PTPRD: variants seen among roughly 807,000 people sequenced by gnomAD.
PTPRD encodes the protein receptor-type tyrosine-protein phosphatase delta.
A neutral mutation model predicts 214.5 loss-of-function variants in PTPRD; 34 were observed. That is an observed-to-expected ratio of 0.16 (90% CI 0.12 to 0.21). The LOEUF (loss-of-function observed/expected upper bound fraction) is 0.21. Among genes scored for constraint, PTPRD ranks in the 10% least tolerant of loss-of-function variants. The pLI is 1.00. For missense variants in PTPRD, 2,545 were observed against 2,398.7 expected (o/e 1.06, Z -1.27); for synonymous variants, 1,128 against 845.7 (o/e 1.33, Z -5.79).
At chr9:9,432,992 G>A (rs1402095502) in intron 8 of PTPRD, among the ~76,000 whole-genome samples, 1 of 152,110 alleles carries the variant, frequency 6.6e-6, no homozygotes, top group African/African-American at 2.4e-5. Context: ...CACTGTGGTA[G>A]AATCAGAGGG....
At chr9:9,419,703 A>G (rs1227857021) in intron 8 of PTPRD, among the ~76,000 whole-genome samples, 1 of 151,792 alleles carries the variant, frequency 6.6e-6, no homozygotes, top group Non-Finnish European at 1.5e-5. Flanking sequence ...CTGGACCTAC[A>G]TTAACACAGA....
At chr9:9,076,133 G>C (rs1392251702) in intron 10 of PTPRD, among the ~76,000 whole-genome samples, 2 of 152,112 alleles carry the variant, frequency 1.3e-5, no homozygotes, top group African/African-American at 4.8e-5. Flanking sequence ...TCTCACTGTG[G>C]TCTTGATTTG....
At chr9:10,415,740 T>A (rs2098481091) in intron 2 of PTPRD, among the ~76,000 whole-genome samples, 1 of 151,842 alleles carries the variant, frequency 6.6e-6, no homozygotes, top group East Asian at 2.0e-4. Context: ...CCCAATTCTT[T>A]GTTGTGAAAG....
chr9:8,820,466 T>G (rs1342336753), intron 11 of PTPRD, among the ~76,000 whole-genome samples: 1 of 152,160 alleles, frequency 6.6e-6, no homozygotes, highest in Non-Finnish European at 1.5e-5. Context: ...TCATATTCAT[T>G]AGTTAATTAT....
At chr9:9,742,875 T>C (rs1004757026) in intron 6 of PTPRD, among the ~76,000 whole-genome samples, 1 of 152,186 alleles carries the variant, frequency 6.6e-6, no homozygotes, top group East Asian at 1.9e-4. Flanking sequence ...TTTGCTTTTT[T>C]ATTGTTGTTA....
chr9:9,599,193 T>C (rs10977859), intron 7 of PTPRD, among the ~76,000 whole-genome samples: 13,355 of 152,084 alleles, frequency 0.088, 671 homozygotes, highest in Middle Eastern at 0.18. Flanking sequence ...CTTTACATGC[T>C]AGGCACAATG....
chr9:9,778,159 G>C (rs2098813462), intron 5 of PTPRD, among the ~76,000 whole-genome samples: 1 of 152,176 alleles, frequency 6.6e-6, no homozygotes, highest in African/African-American at 2.4e-5. Context: ...TGGATGGAGA[G>C]GTGACATTGA....
chr9:10,274,119 G>C (rs2094556423), intron 3 of PTPRD, among the ~76,000 whole-genome samples: 1 of 152,058 alleles, frequency 6.6e-6, no homozygotes. Flanking sequence ...AACCTCCAAA[G>C]TTCTGTCCAA....
At chr9:9,000,936 A>C (rs2154354915) in intron 11 of PTPRD, among the ~76,000 whole-genome samples, 1 of 152,056 alleles carries the variant, frequency 6.6e-6, no homozygotes, top group South Asian at 2.1e-4. Context: ...ATTGCACCTG[A>C]GTCATACCTT....
intron 11 of PTPRD, among the ~76,000 whole-genome samples, chr9:8,746,721 C>T (rs1042336078): frequency 6.6e-6 from 1 of 152,134 alleles, no homozygotes; most frequent in African/African-American, 2.4e-5. Flanking sequence ...GGGTCAGGCA[C>T]GATGCCTCAT....
chr9:9,220,925 G>C (rs570097403), intron 9 of PTPRD, among the ~76,000 whole-genome samples: 1 of 152,070 alleles, frequency 6.6e-6, no homozygotes, highest in Non-Finnish European at 1.5e-5. Context: ...TGGTGTATGA[G>C]TAGGAAAGTA....
chr9:9,503,881 A>G (rs2096499393), intron 8 of PTPRD, among the ~76,000 whole-genome samples: 1 of 151,814 alleles, frequency 6.6e-6, no homozygotes, highest in African/African-American at 2.4e-5. Flanking sequence ...ATAAAAAAAA[A>G]TACTTCTGAG....
chr9:9,596,101 C>A (rs1323379566), intron 7 of PTPRD, among the ~76,000 whole-genome samples: 1 of 151,760 alleles, frequency 6.6e-6, no homozygotes, highest in Non-Finnish European at 1.5e-5. Context: ...ACCATAGTAC[C>A]CATATGTGTG....
intron 12 of PTPRD, among the ~76,000 whole-genome samples, chr9:8,730,631 G>C (rs1325599940): frequency 1.3e-5 from 2 of 152,146 alleles, no homozygotes; most frequent in East Asian, 1.9e-4. Context: ...TTAAAGACTG[G>C]TAAATAGCAA....
intron 4 of PTPRD, among the ~76,000 whole-genome samples, chr9:9,953,459 TA>T (rs1228085719): frequency 4.0e-5 from 6 of 149,440 alleles, no homozygotes; most frequent in African/African-American, 7.4e-5. Context: ...GCTACTGAAA[TA>T]AAAAAAATTA....
intron 8 of PTPRD, among the ~76,000 whole-genome samples, chr9:9,547,117 T>C (rs2078986251): frequency 6.6e-6 from 1 of 151,962 alleles, no homozygotes; most frequent in Non-Finnish European, 1.5e-5. Context: ...ATTGCACAAA[T>C]GCCATACCAA....
chr9:8,898,699 GA>G (rs2098640589), intron 11 of PTPRD, among the ~76,000 whole-genome samples: 1 of 151,990 alleles, frequency 6.6e-6, no homozygotes, highest in South Asian at 2.1e-4. Context: ...CAAACCTCAG[GA>G]AACAGCTTAA....
chr9:9,612,575 C>T (rs988824038), intron 7 of PTPRD, among the ~76,000 whole-genome samples: 1 of 151,988 alleles, frequency 6.6e-6, no homozygotes, highest in Non-Finnish European at 1.5e-5. Context: ...TCTTTCTTTC[C>T]TTCCACTTCA....
intron 9 of PTPRD, among the ~76,000 whole-genome samples, chr9:9,238,207 T>C (rs1273023350): frequency 6.6e-6 from 1 of 152,054 alleles, no homozygotes; most frequent in Non-Finnish European, 1.5e-5. Context: ...GAGTCATGAA[T>C]AAGTTTCTCT....
Sources: allele counts gnomAD v4.1 joint callset (sites outside exome capture counted in the v4.1 genomes callset), GRCh38; gene constraint gnomAD v4.1.1; transcripts MANE v1.5; gene names NCBI Gene and HGNC (gene_info 2026-07-23, HGNC 2026-07-21).